TENM1: variants seen among roughly 807,000 people sequenced by gnomAD.
The protein encoded by TENM1 is teneurin-1.
TENM1 carries 35 observed loss-of-function variants against 174.8 expected under a neutral mutation model. That is an observed-to-expected ratio of 0.20 (90% CI 0.15 to 0.27). The LOEUF (loss-of-function observed/expected upper bound fraction) is 0.27. TENM1 is among the 10% of genes least tolerant of loss of function. The pLI is 1.00. For synonymous variants in TENM1, 781 were observed against 798.7 expected (o/e 0.98, Z 0.37); for missense variants, 1,633 against 2,130.1 (o/e 0.77, Z 4.59).
intron 11 of TENM1, among the ~76,000 whole-genome samples, chrX:124,584,842 T>C (rs374741910): frequency 2.7e-5 from 3 of 110,255 alleles, no homozygotes; most frequent in East Asian, 5.7e-4. Flanking sequence ...TGGAAGAAGA[T>C]CTACCAAGCA....
At chrX:125,121,981 G>A in the TENM1 span, among the ~76,000 whole-genome samples, 1 of 112,233 alleles carries the variant, frequency 8.9e-6, no homozygotes, top group Non-Finnish European at 1.9e-5. Context: ...GGCTGAGGCA[G>A]GAGGATCACT....
the TENM1 span, among the ~76,000 whole-genome samples, chrX:125,177,423 A>T: frequency 8.9e-6 from 1 of 112,553 alleles, no homozygotes. Context: ...CATCTATACT[A>T]TAGAAAAGAC....
intron 10 of TENM1, 151 bp from the exon 14 acceptor site, chrX:124,642,142 C>G (rs1465685082): frequency 4.2e-6 from 2 of 480,736 alleles, no homozygotes; most frequent in African/African-American, 4.7e-5. Context: ...CTCATGCAAA[C>G]ACTCTGTCCA....
At chrX:124,607,922 G>C (rs1218475034) in intron 11 of TENM1, among the ~76,000 whole-genome samples, 1 of 111,317 alleles carries the variant, frequency 9.0e-6, no homozygotes, top group East Asian at 2.8e-4. Flanking sequence ...TAGATTTGCT[G>C]ATGGACTAGA....
chrX:124,974,727 TTGG>T, the TENM1 span, among the ~76,000 whole-genome samples: 3 of 106,855 alleles, frequency 2.8e-5, no homozygotes, highest in Non-Finnish European at 5.8e-5. Flanking sequence ...AATGGAAAAG[TTGG>T]TGGTGCCACT....
intron 8 of TENM1, 143 bp downstream of exon 11, chrX:124,651,771 T>G (rs774947581): frequency 1.1e-6 from 1 of 903,630 alleles, no homozygotes; most frequent in Admixed American, 4.2e-5. Flanking sequence ...CAATATAAAC[T>G]TTTATCATAG....
chrX:124,789,922 C>G (rs915722463), intron 3 of TENM1, among the ~76,000 whole-genome samples: 1 of 111,655 alleles, frequency 9.0e-6, no homozygotes, highest in African/African-American at 3.3e-5. Flanking sequence ...CTGTATTAGT[C>G]CATTTTCATG....
chrX:124,727,243 T>C (rs2053461693), intron 4 of TENM1, among the ~76,000 whole-genome samples: 1 of 112,520 alleles, frequency 8.9e-6, no homozygotes, highest in South Asian at 3.6e-4. Flanking sequence ...AGGTTTTCTC[T>C]AGTGTTGATA....
chrX:124,587,944 C>T (rs1378207747), intron 11 of TENM1, among the ~76,000 whole-genome samples: 9 of 112,163 alleles, frequency 8.0e-5, no homozygotes, highest in Admixed American at 2.8e-4. Context: ...AAAAAATGCT[C>T]ACCATCACTG....
chrX:125,089,463 T>C, the TENM1 span, among the ~76,000 whole-genome samples: 3 of 112,066 alleles, frequency 2.7e-5, no homozygotes, highest in Non-Finnish European at 5.6e-5. Context: ...CCTAAGGGTA[T>C]AGTAAACATA....
intron 1 of TENM1, among the ~76,000 whole-genome samples, chrX:124,941,853 C>T (rs1243476717): frequency 1.8e-5 from 2 of 111,788 alleles, no homozygotes; most frequent in Non-Finnish European, 3.8e-5. Context: ...CACAGTTCCA[C>T]GTGGCTGGGG....
At chrX:124,441,422 A>C (rs973868560) in intron 23 of TENM1, among the ~76,000 whole-genome samples, 1 of 112,594 alleles carries the variant, frequency 8.9e-6, no homozygotes, top group Non-Finnish European at 1.9e-5. Context: ...CATTTAAGGT[A>C]ATTGACATAT....
At chrX:124,804,155 AT>A (rs1381604631) in intron 3 of TENM1, among the ~76,000 whole-genome samples, 2 of 112,138 alleles carry the variant, frequency 1.8e-5, no homozygotes, top group African/African-American at 6.5e-5. Flanking sequence ...AGCATATGCA[AT>A]TTTAAAGAGA....
chrX:124,566,283 C>A (rs1043319900), intron 11 of TENM1, among the ~76,000 whole-genome samples: 2 of 112,150 alleles, frequency 1.8e-5, no homozygotes, highest in African/African-American at 3.2e-5. Flanking sequence ...ATAAAATTAA[C>A]CCTGGTTGAT....
intron 3 of TENM1, among the ~76,000 whole-genome samples, chrX:124,872,178 G>T (rs944766488): frequency 4.5e-5 from 5 of 110,507 alleles, no homozygotes; most frequent in African/African-American, 1.6e-4. Flanking sequence ...TTTCTTCATG[G>T]AATGGGATAT....
chrX:124,751,866 C>A (rs1479390139), intron 3 of TENM1, among the ~76,000 whole-genome samples: 1 of 110,396 alleles, frequency 9.1e-6, no homozygotes, highest in Non-Finnish European at 1.9e-5. Context: ...GAATATGTGC[C>A]ACATTTACTT....
the TENM1 span, among the ~76,000 whole-genome samples, chrX:125,119,874 A>C: frequency 3.6e-5 from 4 of 111,849 alleles, no homozygotes; most frequent in Admixed American, 9.5e-5. Context: ...CGTGGGTAGT[A>C]TATAATAGTC....
At chrX:124,697,775 G>T (rs985555628) in intron 5 of TENM1, among the ~76,000 whole-genome samples, 5 of 110,924 alleles carry the variant, frequency 4.5e-5, no homozygotes, top group African/African-American at 1.6e-4. Context: ...AGTGAGAATA[G>T]TGGCATTGTT....
rs754930625 is a variant in TENM1, at chrX:124,962,825, G to GACAAAACAAA, written c.217+702_217+711dup. On this transcript the variant is annotated intron_variant, in intron 1 of 31. Coordinates refer to ENST00000422452, the Ensembl canonical transcript of TENM1. ...AGAGTGAGATTCTGTCTCAAAACAA[G>GACAAAACAAA]ACAAAACAAAACAAAACAAAACAAA... is the stretch of plus-strand genomic sequence containing the variant. Among the ~76,000 whole-genome samples the GACAAAACAAA allele has an allele frequency of 1.2e-4, 13 of 110,347 alleles. No individual in the cohort carries two copies. In the East Asian group the frequency reaches 3.4e-3, roughly 29 times the overall value.
Sources: allele counts gnomAD v4.1 joint callset (sites outside exome capture counted in the v4.1 genomes callset), GRCh38; gene constraint gnomAD v4.1.1; transcripts MANE v1.5; gene names NCBI Gene and HGNC (gene_info 2026-07-23, HGNC 2026-07-21).